GK5: variants seen among roughly 807,000 people sequenced by gnomAD.
GK5 encodes the protein ATP:glycerol 3-phosphotransferase 5.
GK5 carries 39 observed loss-of-function variants against 77.3 expected under a neutral mutation model. That is an observed-to-expected ratio of 0.50 (90% confidence interval 0.39 to 0.66). GK5 has a LOEUF of 0.66. Ranked by LOEUF, GK5 falls within the 30% of genes least tolerant of loss-of-function variation. The probability of loss-of-function intolerance (pLI) is 0.00; values close to 1 mark genes in which losing one functional copy is unlikely to be tolerated. For missense variants in GK5, 487 were observed against 633.8 expected (o/e 0.77, Z 2.49); for synonymous variants, 211 against 208.0 (o/e 1.01, Z -0.13).
rs202073717 is a variant in GK5, at chr3:142,200,098, TACAC to T, written c.412-1169_412-1166del. 6.5e-3 allele frequency among the ~76,000 whole-genome samples: 962 copies of T among 148,892 alleles called. 8 individuals are homozygous for T. Among genetic ancestry groups the T allele is most frequent in the African/African-American group, 0.022 (885 of 40,588 alleles). ...CACCTTCTTTATTTCTATATATATA[TACAC>T]ACACACACACACACACACAAACACA... is the stretch of plus-strand genomic sequence containing the variant. On this transcript the variant is annotated intron_variant, in intron 4 of 15. Transcript: ENST00000392993.
At chr3:142,219,410 G>A (rs2064313903) in intron 1 of GK5, among the ~76,000 whole-genome samples, 2 of 152,104 alleles carry the variant, frequency 1.3e-5, no homozygotes, top group African/African-American at 4.8e-5. Flanking sequence ...GAATAAACAA[G>A]TGATATACAT....
rs564451437 is a variant in GK5, at chr3:142,159,712, T to C, written c.*5910A>G. On this transcript the variant is annotated 3_prime_UTR_variant, in exon 16 of 16. Coordinates refer to ENST00000392993, the MANE Select transcript of GK5 (RefSeq NM_001039547.3). ...CCAACACGATTTTGAATCATCTATT[T>C]AACTTTTTTAGATTACCCATTTTGA... 1 of 152,216 alleles carries C rather than the reference T, an allele frequency of 6.6e-6. No individual in the cohort carries two copies. Among genetic ancestry groups the C allele is most frequent in the East Asian group, 1.9e-4 (1 of 5,188 alleles). 9.4% of individuals were successfully genotyped at this position (152,216 alleles called of 1,614,324 possible).
intron 4 of GK5, among the ~76,000 whole-genome samples, chr3:142,200,155 G>GT (rs769742790): frequency 6.7e-6 from 1 of 150,178 alleles, no homozygotes; most frequent in South Asian, 2.1e-4. Context: ...ATGGTTTTTG[G>GT]TTTTTTTTGA....
In GK5 at chr3:142,172,425, G is replaced by C; in HGVS notation, c.1175C>G (p.Ser392Cys). Residue 392 changes from serine (S) to cysteine (C), a missense_variant, in exon 13 of 16, where the codon TCT (serine) becomes TGT (cysteine). By Grantham distance (112) the Ser-to-Cys change is moderately radical. Around this residue, in one of 4 missense-constraint regions of GK5, gnomAD observed 323 missense variants for 437.4 expected, o/e 0.74. Coordinates refer to ENST00000392993, the MANE Select transcript of GK5 (RefSeq NM_001039547.3). The part of the protein sequence containing the change: ...APLNDPWACA[S>C]FMGLKPSTSK... ...GGTAGAAGGCTTCAAACCCATAAAAGAGGCACATGCCCAGGGGTCATTTAA... is the reference window on the plus strand; with the variant it reads ...GGTAGAAGGCTTCAAACCCATAAAACAGGCACATGCCCAGGGGTCATTTAA... The C allele has an allele frequency of 6.2e-7, 1 of 1,603,800 alleles. No individual in the cohort carries two copies. The highest frequency in any genetic ancestry group is 2.2e-5 in the East Asian group (1 of 44,732).
intron 11 of GK5, among the ~76,000 whole-genome samples, chr3:142,180,944 C>A (rs1242420658): frequency 6.6e-6 from 1 of 152,168 alleles, no homozygotes; most frequent in Non-Finnish European, 1.5e-5. Flanking sequence ...CCAGGCAAAC[C>A]ACCCCCCAGA....
At chr3:142,199,920 A>G (rs2063992542) in intron 4 of GK5, among the ~76,000 whole-genome samples, 1 of 152,106 alleles carries the variant, frequency 6.6e-6, no homozygotes, top group South Asian at 2.1e-4. Flanking sequence ...ACTCCCTAAA[A>G]TAAATTTAAA....
intron 10 of GK5, among the ~76,000 whole-genome samples, chr3:142,182,590 C>T (rs1438204658): frequency 6.6e-6 from 1 of 152,086 alleles, no homozygotes; most frequent in African/African-American, 2.4e-5. Context: ...CTAGGGTGAT[C>T]TGCCCACCTC....
Position 142,201,751 on chromosome 3 carries a change from T to C in GK5, c.412-2818A>G, listed in dbSNP as rs555039242. 5.9e-5 allele frequency among the ~76,000 whole-genome samples: 9 copies of C among 152,350 alleles called. No individual in the cohort carries two copies. In the East Asian group the frequency reaches 1.7e-3, roughly 29 times the overall value. On this transcript the variant is annotated intron_variant, in intron 4 of 15. Coordinates refer to ENST00000392993, the MANE Select transcript of GK5 (RefSeq NM_001039547.3). ...CTGGTTGTGATGTTATACTATAGTT[T>C]TTCAAAATTTTACCATGGGGAGAAA...
At chr3:142,198,288 G>C (rs2063965431) in intron 5 of GK5, among the ~76,000 whole-genome samples, 2 of 152,138 alleles carry the variant, frequency 1.3e-5, no homozygotes, top group South Asian at 4.2e-4. Context: ...TGAGCAAAAG[G>C]AGTCTGACAC....
intron 5 of GK5, among the ~76,000 whole-genome samples, chr3:142,190,167 AT>A (rs1380472319): frequency 1.3e-5 from 2 of 152,228 alleles, no homozygotes; most frequent in Non-Finnish European, 2.9e-5. Context: ...TGAAGAGTGA[AT>A]AATAGATTGG....
chr3:142,215,359 G>A (rs1398855407), intron 2 of GK5, among the ~76,000 whole-genome samples: 2 of 152,120 alleles, frequency 1.3e-5, no homozygotes, highest in Non-Finnish European at 2.9e-5. Context: ...AGGAAATGGC[G>A]AGCATTTATA....
chr3:142,210,855 G>T (rs1023313832), intron 3 of GK5, among the ~76,000 whole-genome samples: 51 of 152,336 alleles, frequency 3.3e-4, no homozygotes, highest in Admixed American at 4.6e-4. Flanking sequence ...AGGTCCTGAT[G>T]AAAGCAATCA....
In GK5 at chr3:142,225,484, C is replaced by T. The variant is rs1439438408; in HGVS notation, c.-29G>A. The T allele has an allele frequency of 2.1e-5, 34 of 1,594,504 alleles. No homozygotes were observed. Among genetic ancestry groups the T allele is most frequent in the Non-Finnish European group, 2.9e-5 (34 of 1,176,278 alleles). On this transcript the variant is annotated 5_prime_UTR_variant, in exon 1 of 16. Coordinates refer to ENST00000392993, the MANE Select transcript of GK5 (RefSeq NM_001039547.3). ...GATCCCGCACGCCTCTCCGCTACAG[C>T]CGCCTACCCAGAGGGCGCGCTACAA...
chr3:142,191,663 C>T (rs996162783), intron 5 of GK5, among the ~76,000 whole-genome samples: 2 of 152,026 alleles, frequency 1.3e-5, no homozygotes, highest in African/African-American at 4.8e-5. Context: ...TATGGTGAAA[C>T]CCCATCTCTA....
intron 3 of GK5, among the ~76,000 whole-genome samples, chr3:142,208,908 A>C (rs1577144430): frequency 6.6e-6 from 1 of 152,244 alleles, no homozygotes; most frequent in Middle Eastern, 3.4e-3. Context: ...CCAGCACTTT[A>C]GGAGGCCGAG....
In GK5 at chr3:142,157,648, A is replaced by G. The variant is rs2063392562; in HGVS notation, c.*7974T>C. ...TTTTAACATCTGCTAGGCTAATTCC[A>G]TCATATTAGTATATGAAATTATCTT... On this transcript the variant is annotated 3_prime_UTR_variant, in exon 16 of 16. Coordinates refer to ENST00000392993, the MANE Select transcript of GK5 (RefSeq NM_001039547.3). The G allele has an allele frequency of 6.6e-6, 1 of 152,220 alleles. No homozygotes were observed. The highest frequency in any genetic ancestry group is 1.5e-5 in the Non-Finnish European group (1 of 68,034). 9.4% of individuals were successfully genotyped at this position (152,220 alleles called of 1,614,324 possible).
chr3:142,221,137 G>A (rs2064341096), intron 1 of GK5, among the ~76,000 whole-genome samples: 1 of 152,176 alleles, frequency 6.6e-6, no homozygotes, highest in Admixed American at 6.5e-5. Context: ...GAACTCTGAG[G>A]ATACAGTGAC....
intron 1 of GK5, among the ~76,000 whole-genome samples, chr3:142,221,284 G>A (rs2064343532): frequency 6.6e-6 from 1 of 152,150 alleles, no homozygotes. Flanking sequence ...TTCTAGGCAA[G>A]GCTTTTATGA....
intron 12 of GK5, among the ~76,000 whole-genome samples, chr3:142,176,995 C>T (rs545439823): frequency 6.6e-6 from 1 of 152,202 alleles, no homozygotes; most frequent in Non-Finnish European, 1.5e-5. Flanking sequence ...TTAAAACTTA[C>T]AAATGTACAA....
Sources: gnomAD v4.1 joint callset for allele counts (sites outside exome capture counted in the v4.1 genomes callset) on GRCh38, gnomAD v4.1.1 for gene constraint, gnomAD v4.1.1 regional missense constraint, MANE v1.5 for transcripts, NCBI Gene and HGNC (gene_info 2026-07-23, HGNC 2026-07-21) for gene names.